COL6A6: variants seen among roughly 807,000 people sequenced by gnomAD.
COL6A6 encodes collagen alpha-6(VI) chain.
Under a neutral mutation model 208.6 loss-of-function variants are expected in COL6A6, and 183 were observed. The observed-to-expected ratio is 0.88, with a 90% CI of 0.78 to 0.99. The LOEUF (loss-of-function observed/expected upper bound fraction) is 0.99, where lower values mean the gene tolerates loss of function less well. Among genes scored for constraint, COL6A6 ranks in the 50% least tolerant of loss-of-function variants. The pLI is 0.00. For missense variants in COL6A6, 2,816 were observed against 2,815.2 expected (o/e 1.00, Z -0.01); for synonymous variants, 973 against 1,011.8 (o/e 0.96, Z 0.73).
chr3:130,650,027 T>C (rs2065587595), intron 33 of COL6A6, among the ~76,000 whole-genome samples: 1 of 152,270 alleles, frequency 6.6e-6, no homozygotes, highest in South Asian at 2.1e-4. Flanking sequence ...AATTTGCTGA[T>C]TTTATAACTT....
chr3:130,552,779 C>T (rs1427712643), intron 1 of COL6A6, among the ~76,000 whole-genome samples: 2 of 151,324 alleles, frequency 1.3e-5, no homozygotes, highest in African/African-American at 4.9e-5. Flanking sequence ...TTGTGGTAGC[C>T]AGTAATGGTC....
chr3:130,534,455 A>T (rs2062178524), intron 1 of COL6A6, among the ~76,000 whole-genome samples: 1 of 152,096 alleles, frequency 6.6e-6, no homozygotes, highest in Non-Finnish European at 1.5e-5. Context: ...TAACATTTTA[A>T]TGTATTTCCA....
At chr3:130,637,806 T>C (rs896596832) in intron 28 of COL6A6, among the ~76,000 whole-genome samples, 6 of 152,208 alleles carry the variant, frequency 3.9e-5, no homozygotes, top group Non-Finnish European at 8.8e-5. Context: ...ATATGTATGT[T>C]TGTATGCATT....
At chr3:130,586,246 C>T (rs902346771) in intron 10 of COL6A6, among the ~76,000 whole-genome samples, 3 of 152,148 alleles carry the variant, frequency 2.0e-5, no homozygotes, top group African/African-American at 7.2e-5. Context: ...GAACTGTCTC[C>T]TTCAAATCAA....
At chr3:130,530,156 C>T (rs1259074318) in intron 1 of COL6A6, among the ~76,000 whole-genome samples, 1 of 152,214 alleles carries the variant, frequency 6.6e-6, no homozygotes, top group Non-Finnish European at 1.5e-5. Flanking sequence ...GCCAGACTGC[C>T]TGGCTTCGAA....
chr3:130,593,820 A>C (rs1350378589), intron 17 of COL6A6, among the ~76,000 whole-genome samples: 1 of 152,246 alleles, frequency 6.6e-6, no homozygotes, highest in Non-Finnish European at 1.5e-5. Flanking sequence ...GACAAGGGTC[A>C]GTGGTGCCAG....
At chr3:130,656,959 C>T (rs920436880) in intron 33 of COL6A6, among the ~76,000 whole-genome samples, 2 of 152,230 alleles carry the variant, frequency 1.3e-5, no homozygotes, top group African/African-American at 2.4e-5. Context: ...GCAGGCATTT[C>T]GAGCTGGTAG....
At chr3:130,542,982 T>G (rs2062407388) in intron 1 of COL6A6, among the ~76,000 whole-genome samples, 1 of 145,922 alleles carries the variant, frequency 6.9e-6, no homozygotes, top group Admixed American at 7.1e-5. Context: ...CTCGGCTCAC[T>G]GCAACCTCCG....
At chr3:130,667,642 T>G (rs1296999219) in intron 36 of COL6A6, among the ~76,000 whole-genome samples, 1 of 152,204 alleles carries the variant, frequency 6.6e-6, no homozygotes, top group East Asian at 1.9e-4. Context: ...CTGGTGGTTT[T>G]AACAGAAAAA....
rs574530881 is a variant in COL6A6 at position 130,642,934 on chromosome 3, C to T, written c.5191-53C>T. The T allele has an allele frequency of 3.7e-6, 6 of 1,613,078 alleles. No individual in the cohort carries two copies. The African/African-American group carries it at 4.0e-5, about 11-fold the overall frequency. On this transcript the variant is annotated intron_variant, in intron 30 of 36. Transcript: ENST00000358511. ...ATTCAATTTACTTATTTTTAAACCT[C>T]AGGGCCTAGCAGTTTGTTGTTTAAT...
intron 4 of COL6A6, among the ~76,000 whole-genome samples, chr3:130,566,180 A>G (rs1469527225): frequency 2.0e-5 from 3 of 152,218 alleles, no homozygotes. Flanking sequence ...TGGTATACAT[A>G]TAGATGTGTA....
chr3:130,532,871 G>C (rs565698916), intron 1 of COL6A6, among the ~76,000 whole-genome samples: 1 of 152,202 alleles, frequency 6.6e-6, no homozygotes, highest in African/African-American at 2.4e-5. Context: ...GATCATCTGG[G>C]AGCTGGTTAG....
At chr3:130,627,611 C>T (rs1263183407) in intron 26 of COL6A6, among the ~76,000 whole-genome samples, 6 of 152,152 alleles carry the variant, frequency 3.9e-5, no homozygotes, top group African/African-American at 1.4e-4. Flanking sequence ...CAGTGATATG[C>T]GGCCCTAGTC....
rs1051164941 is a variant in COL6A6 at position 130,571,359 on chromosome 3, T to C, written c.2943T>C (p.Asp981=). Residue 981 remains aspartate (D), a synonymous_variant, in exon 7 of 37, where the codon GAT becomes GAC. Coordinates refer to ENST00000358511, the MANE Select transcript of COL6A6 (RefSeq NM_001102608.3). ...TFGGLKGIFS[D]VTASVCNSSK... ...GAGGTCTGAAGGGAATATTTTCAGA[T>C]GTGACAGCCAGTGTCTGCAACTCTT... 3 of 1,596,990 alleles carry C rather than the reference T, an allele frequency of 1.9e-6. No homozygotes were observed. Among genetic ancestry groups the C allele is most frequent in the Non-Finnish European group, 2.6e-6 (3 of 1,173,422 alleles).
chr3:130,591,501 T>C (rs1228523629), intron 13 of COL6A6, among the ~76,000 whole-genome samples: 3 of 152,188 alleles, frequency 2.0e-5, no homozygotes, highest in South Asian at 4.1e-4. Flanking sequence ...ACCAATTATA[T>C]ATAAACATCT....
intron 1 of COL6A6, among the ~76,000 whole-genome samples, chr3:130,559,463 T>G (rs1478228236): frequency 6.6e-6 from 1 of 152,128 alleles, no homozygotes; most frequent in Non-Finnish European, 1.5e-5. Context: ...TCTGAAGAGA[T>G]TGAATATTAG....
chr3:130,567,602 CT>C (rs1357100179), intron 5 of COL6A6, among the ~76,000 whole-genome samples: 1 of 152,158 alleles, frequency 6.6e-6, no homozygotes, highest in African/African-American at 2.4e-5. Flanking sequence ...ATATGAATGT[CT>C]TTTTATACAG....
rs76903676 is a variant in COL6A6, at chr3:130,563,800, A to G, written c.661+136A>G. On this transcript the variant is annotated intron_variant, in intron 3 of 36. Coordinates refer to ENST00000358511, the MANE Select transcript of COL6A6 (RefSeq NM_001102608.3). Reference sequence around the variant, plus strand: ...TTCAGATGTTATGTACCCATCGTTTAAGAGAGTCCAGTGATTATGACCATT... The same window carrying G: ...TTCAGATGTTATGTACCCATCGTTTGAGAGAGTCCAGTGATTATGACCATT... 4.8e-6 allele frequency: 3 copies of G among 624,954 alleles called. No homozygotes were observed. The South Asian group carries it at 6.6e-5, about 14-fold the overall frequency. The allele number at this position is 624,954 out of a possible 1,614,324, so 38.7% of individuals were successfully genotyped here.
Position 130,642,866 on chromosome 3 carries a change from C to A in COL6A6, c.5189C>A (p.Ser1730Tyr), listed in dbSNP as rs767124099. 47 of 1,613,844 alleles carry A rather than the reference C, an allele frequency of 2.9e-5. No individual in the cohort carries two copies. The African/African-American group carries it at 5.7e-4, about 20-fold the overall frequency. ...VKGAKGLASF[S>Y]TCELIQYVRD... ...GGAGCCAAAGGCTTGGCTTCATTTT[C>A]TGTACGTATCTCCCGACTACAACAG... The change falls in exon 30 of 37, where the codon TCT becomes TAT. Residue 1730 changes from serine to tyrosine, a missense_variant and splice_region_variant. By Grantham distance (144) the Ser-to-Tyr change is moderately radical. Transcript: ENST00000358511.
Sources: gnomAD v4.1 joint callset for allele counts (sites outside exome capture counted in the v4.1 genomes callset) on GRCh38, gnomAD v4.1.1 for gene constraint, MANE v1.5 for transcripts, NCBI Gene and HGNC (gene_info 2026-07-23, HGNC 2026-07-21) for gene names.